DSCAM: variants seen among roughly 807,000 people sequenced by gnomAD.
DSCAM encodes DS cell adhesion molecule, also known as cell adhesion molecule DSCAM.
In DSCAM, 47 loss-of-function variants were observed where a neutral mutation model predicts 217.7. The ratio of observed to expected loss-of-function variants is 0.22; its 90% confidence interval spans 0.17 to 0.28. The LOEUF is 0.28. Ranked by LOEUF, DSCAM falls within the 10% of genes least tolerant of loss-of-function variation. DSCAM has a pLI of 1.00. For missense variants in DSCAM, 2,080 were observed against 2,618.3 expected (o/e 0.79, Z 4.49); for synonymous variants, 1,056 against 1,015.3 (o/e 1.04, Z -0.76).
intron 3 of DSCAM, among the ~76,000 whole-genome samples, chr21:40,564,042 C>T (rs1259693328): frequency 6.6e-6 from 1 of 152,090 alleles, no homozygotes; most frequent in African/African-American, 2.4e-5. Flanking sequence ...TCAGGCTTCC[C>T]GCCCATCTGA....
At chr21:40,345,292 T>C (rs966207862) in intron 6 of DSCAM, among the ~76,000 whole-genome samples, 1 of 152,192 alleles carries the variant, frequency 6.6e-6, no homozygotes. Flanking sequence ...GTCCTGTTTT[T>C]TGTATGTCTC....
rs376764769 is a variant in DSCAM, at chr21:40,220,885, C to T, written c.2357-31647G>A. ...GCTCATCACTGTGCTCACTGGGCCA[C>T]GAGGCTGCACAAGCTTACTTTTACA... On this transcript the variant is annotated intron_variant, in intron 11 of 32. Transcript: ENST00000400454. 8.3e-4 allele frequency among the ~76,000 whole-genome samples: 127 copies of T among 152,294 alleles called. 1 individual carries two copies. The highest frequency in any genetic ancestry group is 3.4e-4 in the Non-Finnish European group (23 of 68,026).
chr21:40,171,292 G>A (rs1319625954), intron 15 of DSCAM, among the ~76,000 whole-genome samples: 1 of 152,076 alleles, frequency 6.6e-6, no homozygotes, highest in East Asian at 1.9e-4. Flanking sequence ...TGCCCAGGCT[G>A]GTCTCGAACT....
intron 10 of DSCAM, among the ~76,000 whole-genome samples, chr21:40,279,527 G>A (rs2073731889): frequency 6.6e-6 from 1 of 152,194 alleles, no homozygotes; most frequent in African/African-American, 2.4e-5. Flanking sequence ...ACTGTTAGTG[G>A]GAGTGTAAAT....
intron 3 of DSCAM, among the ~76,000 whole-genome samples, chr21:40,598,986 C>G (rs1165426213): frequency 6.6e-6 from 1 of 152,128 alleles, no homozygotes; most frequent in East Asian, 1.9e-4. Context: ...TTATCTTCCA[C>G]TTCTGTGTCT....
At chr21:40,451,280 G>A (rs113704875) in intron 3 of DSCAM, among the ~76,000 whole-genome samples, 31 of 152,288 alleles carry the variant, frequency 2.0e-4, no homozygotes, top group African/African-American at 7.2e-4. Context: ...TGAAAGGAGA[G>A]CACTTACTAT....
At chr21:40,601,503 T>A (rs2077061790) in intron 3 of DSCAM, among the ~76,000 whole-genome samples, 1 of 152,232 alleles carries the variant, frequency 6.6e-6, no homozygotes, top group Admixed American at 6.5e-5. Flanking sequence ...ATATTTTATT[T>A]CCTTTTCTTG....
chr21:40,841,268 C>A (rs1199798433), intron 1 of DSCAM, among the ~76,000 whole-genome samples: 1 of 152,150 alleles, frequency 6.6e-6, no homozygotes, highest in Admixed American at 6.5e-5. Flanking sequence ...ACAGACCTTG[C>A]GTCACCTGCA....
chr21:40,430,769 C>A (rs2075523284), intron 3 of DSCAM, among the ~76,000 whole-genome samples: 1 of 152,248 alleles, frequency 6.6e-6, no homozygotes, highest in African/African-American at 2.4e-5. Context: ...GGCTTCGCCT[C>A]TTTGGGCCTC....
intron 3 of DSCAM, among the ~76,000 whole-genome samples, chr21:40,610,810 G>C (rs1200454058): frequency 6.6e-6 from 1 of 152,158 alleles, no homozygotes; most frequent in Non-Finnish European, 1.5e-5. Flanking sequence ...AAATGCACTG[G>C]CTTAGAGTTA....
intron 31 of DSCAM, among the ~76,000 whole-genome samples, 163 bp downstream of exon 31, chr21:40,043,915 T>C (rs1601262209): frequency 6.6e-6 from 1 of 152,312 alleles, no homozygotes; most frequent in African/African-American, 2.4e-5. Flanking sequence ...GCAGTTGTAT[T>C]AGTAACTGTT....
At chr21:40,305,711 T>A (rs985704352) in intron 9 of DSCAM, among the ~76,000 whole-genome samples, 2 of 122,778 alleles carry the variant, frequency 1.6e-5, no homozygotes, top group Non-Finnish European at 3.3e-5. Flanking sequence ...CCTTTCCCCA[T>A]TGCTTGTTTT....
chr21:40,188,969 C>G lies in DSCAM; in HGVS notation c.2553+73G>C, dbSNP rs943574554. On this transcript the variant is annotated intron_variant, in intron 12 of 32. Transcript: ENST00000400454. The stretch of plus-strand genomic sequence containing the variant: ...AGATTATCTGCTACTTATCTGCACC[C>G]GCTTCTGTGAAAGGAAAGACTTATT... 2.0e-6 allele frequency: 3 copies of G among 1,481,194 alleles called. No homozygotes were observed. The African/African-American group carries it at 4.2e-5, about 21-fold the overall frequency. The allele number at this position is 1,481,194 out of a possible 1,614,324, so 91.8% of individuals were successfully genotyped here.
At chr21:40,443,141 T>C (rs936536379) in intron 3 of DSCAM, among the ~76,000 whole-genome samples, 1 of 152,242 alleles carries the variant, frequency 6.6e-6, no homozygotes, top group Non-Finnish European at 1.5e-5. Context: ...GAAGGCTATG[T>C]GGATCTTCTG....
rs760417653 is a variant in DSCAM at position 40,088,513 on chromosome 21, GAA to G, written c.3851-1228_3851-1227del. On this transcript the variant is annotated intron_variant, in intron 21 of 32. Coordinates refer to ENST00000400454, the MANE Select transcript of DSCAM (RefSeq NM_001389.5). The stretch of plus-strand genomic sequence containing the variant: ...TGGGCACTGTGGGCAAGAGTAGAGA[GAA>G]AAAGAAAATGCCAGAGGGCTTAGAA... Among the ~76,000 whole-genome samples, 10 of 152,264 alleles carry G rather than the reference GAA, an allele frequency of 6.6e-5. No homozygotes were observed. The East Asian group carries it at 1.9e-3, about 29-fold the overall frequency.
intron 10 of DSCAM, among the ~76,000 whole-genome samples, chr21:40,284,903 A>G (rs2073806195): frequency 6.6e-6 from 1 of 152,138 alleles, no homozygotes; most frequent in South Asian, 2.1e-4. Context: ...CTTCATTTCT[A>G]TGTTGAAGAA....
intron 3 of DSCAM, among the ~76,000 whole-genome samples, chr21:40,687,327 T>C (rs1000176072): frequency 2.0e-5 from 3 of 152,190 alleles, no homozygotes; most frequent in African/African-American, 7.2e-5. Flanking sequence ...ATTATTTTAA[T>C]GTTTATCTCA....
At chr21:40,505,004 G>C (rs976702246) in intron 3 of DSCAM, among the ~76,000 whole-genome samples, 17 of 152,200 alleles carry the variant, frequency 1.1e-4, no homozygotes, top group Admixed American at 6.5e-5. Context: ...ATGTTACTCA[G>C]AAGATTCAAA....
At chr21:40,278,391 A>G (rs949977580) in intron 10 of DSCAM, among the ~76,000 whole-genome samples, 1 of 152,194 alleles carries the variant, frequency 6.6e-6, no homozygotes, top group African/African-American at 2.4e-5. Context: ...CTGAGTCATG[A>G]AAGTAGCCAT....
Sources: allele counts gnomAD v4.1 joint callset (sites outside exome capture counted in the v4.1 genomes callset), GRCh38; gene constraint gnomAD v4.1.1; transcripts MANE v1.5; gene names NCBI Gene and HGNC (gene_info 2026-07-23, HGNC 2026-07-21).